Variants in RASA2 observed in about 807,000 individuals in gnomAD.
The protein encoded by RASA2 is ras GTPase-activating protein 2.
Under a neutral mutation model 118.2 loss-of-function variants are expected in RASA2, and 155 were observed. The ratio of observed to expected loss-of-function variants is 1.31; its 90% CI spans 1.15 to 1.50. The LOEUF is 1.50. RASA2 is among the 40% of genes most tolerant of loss of function. The pLI, the probability that RASA2 is intolerant of heterozygous loss-of-function variation, is 0.00. For missense variants in RASA2, 1,016 were observed against 1,009.6 expected, an observed-to-expected ratio of 1.01 and a Z score of -0.09; for synonymous variants, 353 against 349.1, an observed-to-expected ratio of 1.01 and a Z score of -0.12.
intron 5 of RASA2, among the ~76,000 whole-genome samples, chr3:141,544,528 G>A (rs960440113): frequency 6.6e-6 from 1 of 151,902 alleles, no homozygotes. Flanking sequence ...TCTTTCCTCT[G>A]TCTTCTTCAT....
At chr3:141,511,988 C>A (rs1021637993) in intron 1 of RASA2, among the ~76,000 whole-genome samples, 175 bp from the exon 2 acceptor site, 9 of 151,934 alleles carry the variant, frequency 5.9e-5, no homozygotes, top group African/African-American at 1.9e-4. Context: ...CACAGCCCCT[C>A]CCTTCAGTCT....
chr3:141,578,125 C>T (rs1029636879), intron 15 of RASA2, among the ~76,000 whole-genome samples: 1 of 152,170 alleles, frequency 6.6e-6, no homozygotes, highest in Non-Finnish European at 1.5e-5. Flanking sequence ...ATTTGGTCCT[C>T]CTAGCAACCT....
intron 3 of RASA2, among the ~76,000 whole-genome samples, chr3:141,521,941 A>G (rs1382787896): frequency 1.3e-5 from 2 of 149,630 alleles, no homozygotes; most frequent in East Asian, 2.0e-4. Flanking sequence ...AGTTTTCTTA[A>G]TTTATAATTT....
At chr3:141,513,955 A>G (rs1394093234) in intron 2 of RASA2, among the ~76,000 whole-genome samples, 1 of 152,168 alleles carries the variant, frequency 6.6e-6, no homozygotes, top group East Asian at 1.9e-4. Flanking sequence ...ATATATCAAA[A>G]TGGCATTCTT....
At chr3:141,542,271 A>C (rs906791799) in intron 5 of RASA2, among the ~76,000 whole-genome samples, 1 of 152,190 alleles carries the variant, frequency 6.6e-6, no homozygotes, top group East Asian at 1.9e-4. Context: ...TATTTGAACA[A>C]AAGTATATGA....
At chr3:141,509,951 C>G (rs750938756) in intron 1 of RASA2, among the ~76,000 whole-genome samples, 5 of 152,106 alleles carry the variant, frequency 3.3e-5, no homozygotes, top group Admixed American at 6.5e-5. Flanking sequence ...TTTGTTTATT[C>G]TGTTTAAGTA....
At chr3:141,540,746 A>G (rs2082394322) in intron 5 of RASA2, 137 bp downstream of exon 5, 10 of 700,254 alleles carry the variant, frequency 1.4e-5, no homozygotes, top group Non-Finnish European at 2.4e-5. Context: ...CCTTTTGTGA[A>G]GTTGATTTTC....
At position 141,612,375 on chromosome 3, in the gene RASA2, A is replaced by G. The variant is rs2083666099; in HGVS notation, c.*62A>G. Reference sequence around the variant, plus strand: ...TATTTTTCTTGGAGCTTTTCAATTCATCATGTATTTTGTTCATGGTATTTA... The same window carrying G: ...TATTTTTCTTGGAGCTTTTCAATTCGTCATGTATTTTGTTCATGGTATTTA... On this transcript the variant is annotated 3_prime_UTR_variant, in exon 24 of 24. Coordinates refer to ENST00000286364, the MANE Select transcript of RASA2 (RefSeq NM_006506.5). 2.6e-5 allele frequency: 36 copies of G among 1,393,728 alleles called. No homozygotes were observed. The highest frequency in any genetic ancestry group is 3.5e-5 in the Non-Finnish European group (35 of 1,007,256). 86.3% of individuals were successfully genotyped at this position (1,393,728 alleles called of 1,614,324 possible).
chr3:141,487,195 C>A lies in RASA2; in HGVS notation c.112C>A (p.Gln38Lys). 2.8e-6 allele frequency: 4 copies of A among 1,452,910 alleles called. No homozygotes were observed. Among genetic ancestry groups the A allele is most frequent in the Non-Finnish European group, 3.7e-6 (4 of 1,092,088 alleles). 90.0% of individuals were successfully genotyped at this position (1,452,910 alleles called of 1,614,324 possible). A position where few individuals can be genotyped will look rare whatever the true frequency, so the allele number is the denominator to read the frequency against. Residue 38 changes from glutamine to lysine, a missense_variant, in exon 1 of 24, where the codon CAG becomes AAG. Gln to Lys is a moderately conservative substitution (Grantham distance 53). Around this residue, in one of 2 missense-constraint regions of RASA2, gnomAD observed 896 missense variants for 836.4 expected, o/e 1.07. Transcript: ENST00000286364. The stretch of plus-strand genomic sequence containing the variant: ...GGACAGTCGCGAGGTTCGAGTGTTG[C>A]AGAGCCTGCGGGGCAAGATCTGTAA... ...DQDSREVRVL[Q>K]SLRGKICEAK...
chr3:141,528,656 C>G lies in RASA2; in HGVS notation c.356-1052C>G, dbSNP rs537978709. ...TCACAGAGTTGTGTAACTGTCACCACTAATTCCAGAGTGAAATTTTAAGCA... is the reference window on the plus strand; with the variant it reads ...TCACAGAGTTGTGTAACTGTCACCAGTAATTCCAGAGTGAAATTTTAAGCA... On this transcript the variant is annotated intron_variant, in intron 3 of 23. Transcript: ENST00000286364. Among the ~76,000 whole-genome samples the G allele has an allele frequency of 3.9e-5, 6 of 152,066 alleles. No individual in the cohort carries two copies. In the East Asian group the frequency reaches 1.2e-3, roughly 29 times the overall value.
rs1337155564 is a variant in RASA2, at chr3:141,610,429, ATATT to A, written c.2519+367_2519+370del. ...TTATATATTTATATTTATATATTAT[ATATT>A]TATATTTATATATTATATATTTATA... On this transcript the variant is annotated intron_variant, in intron 23 of 23. Coordinates refer to ENST00000286364, the MANE Select transcript of RASA2 (RefSeq NM_006506.5). 1.3e-4 allele frequency among the ~76,000 whole-genome samples: 14 copies of A among 107,268 alleles called. No homozygotes were observed. The South Asian group carries it at 3.0e-3, about 23-fold the overall frequency. 70.4% of individuals were successfully genotyped at this position (107,268 alleles called of 152,430 possible). A position where few individuals can be genotyped will look rare whatever the true frequency, so the allele number is the denominator to read the frequency against.
intron 1 of RASA2, among the ~76,000 whole-genome samples, chr3:141,507,299 A>G (rs1167034467): frequency 6.6e-6 from 1 of 152,240 alleles, no homozygotes; most frequent in African/African-American, 2.4e-5. Flanking sequence ...TTAGAAAAGA[A>G]TTGAGATTAG....
chr3:141,520,665 C>T (rs1357955447), intron 3 of RASA2, among the ~76,000 whole-genome samples: 1 of 152,018 alleles, frequency 6.6e-6, no homozygotes, highest in South Asian at 2.1e-4. Context: ...TATGCACACA[C>T]ATATATACAC....
chr3:141,570,861 T>G (rs778332704), intron 9 of RASA2, 51 bp from the exon 10 acceptor site: 11 of 1,528,316 alleles, frequency 7.2e-6, no homozygotes, highest in Admixed American at 2.1e-5. Flanking sequence ...ACTTGCCTCA[T>G]TGGCTTGAAT....
chr3:141,545,194 T>C (rs2082466449), intron 5 of RASA2, among the ~76,000 whole-genome samples: 1 of 152,224 alleles, frequency 6.6e-6, no homozygotes, highest in Non-Finnish European at 1.5e-5. Context: ...TTCAGATCCA[T>C]GTCACATAAT....
At chr3:141,567,433 TA>T (rs2082839618) in intron 9 of RASA2, among the ~76,000 whole-genome samples, 2 of 151,994 alleles carry the variant, frequency 1.3e-5, no homozygotes, top group African/African-American at 4.8e-5. Context: ...ATAATAATAA[TA>T]ATTCCAAACA....
At chr3:141,592,176 T>C (rs534798680) in intron 19 of RASA2, among the ~76,000 whole-genome samples, 1 of 152,126 alleles carries the variant, frequency 6.6e-6, no homozygotes, top group Admixed American at 6.5e-5. Context: ...GTTAAAATAT[T>C]AAAAGGTCTA....
In RASA2 at chr3:141,545,920, T is replaced by A. The variant is rs185450875; in HGVS notation, c.527+5311T>A. On this transcript the variant is annotated intron_variant, in intron 5 of 23. Coordinates refer to ENST00000286364, the MANE Select transcript of RASA2 (RefSeq NM_006506.5). ...CTCTGTTATCATGAGTTCAATTGTT[T>A]GAGTTTTTAGCTCCCACAAGTGAGA... Among the ~76,000 whole-genome samples the A allele has an allele frequency of 2.9e-3, 449 of 152,292 alleles. 4 individuals carry two copies. Among genetic ancestry groups the A allele is most frequent in the Non-Finnish European group, 5.0e-3 (339 of 68,018 alleles).
At chr3:141,524,695 A>G (rs940002777) in intron 3 of RASA2, among the ~76,000 whole-genome samples, 1 of 151,916 alleles carries the variant, frequency 6.6e-6, no homozygotes, top group Non-Finnish European at 1.5e-5. Flanking sequence ...GGTTCAAGCA[A>G]TTCTCTTGTC....
Sources: allele counts gnomAD v4.1 joint callset (sites outside exome capture counted in the v4.1 genomes callset), GRCh38; gene constraint gnomAD v4.1.1; regional missense constraint gnomAD v4.1.1; transcripts MANE v1.5; gene names NCBI Gene and HGNC (gene_info 2026-07-23, HGNC 2026-07-21).